The following ZNF124 variants were observed in gnomAD, a reference collection of about 807,000 sequenced individuals.
The protein encoded by ZNF124 is zinc finger protein HZF-16.
Under a neutral mutation model 26.6 loss-of-function variants are expected in ZNF124, and 25 were observed. The observed-to-expected ratio is 0.94, with a 90% CI of 0.68 to 1.31. ZNF124 has a LOEUF of 1.31. Ranked by LOEUF, ZNF124 falls within the 40% of genes most tolerant of loss-of-function variation. The pLI is 0.00. For synonymous variants in ZNF124, 129 were observed against 133.3 expected, an observed-to-expected ratio of 0.97 and a Z score of 0.22; for missense variants, 444 against 422.2, an observed-to-expected ratio of 1.05 and a Z score of -0.45.
At chr1:247,143,489 C>T (rs1672681551) in intron 3 of ZNF124, among the ~76,000 whole-genome samples, 1 of 152,086 alleles carries the variant, frequency 6.6e-6, no homozygotes, top group Non-Finnish European at 1.5e-5. Context: ...CTTAATGATC[C>T]ATCCAGAGCT....
At chr1:247,145,054 G>A (rs1427335836) in intron 3 of ZNF124, among the ~76,000 whole-genome samples, 1 of 152,292 alleles carries the variant, frequency 6.6e-6, no homozygotes, top group African/African-American at 2.4e-5. Context: ...GATTACAGGC[G>A]TGGGCCACTG....
At chr1:247,128,957 AGGATTCAGG>A (rs1471371907) in intron 3 of ZNF124, among the ~76,000 whole-genome samples, 5 of 39,756 alleles carry the variant, frequency 1.3e-4, no homozygotes, top group African/African-American at 5.5e-4. Flanking sequence ...ATGGGGTGGG[AGGATTCAGG>A]AGATGAGAGG....
intron 1 of ZNF124, among the ~76,000 whole-genome samples, chr1:247,161,055 G>A (rs1673451040): frequency 6.6e-6 from 1 of 152,228 alleles, no homozygotes; most frequent in Non-Finnish European, 1.5e-5. Context: ...ATAGATGCCT[G>A]AAACAGACTT....
downstream of ZNF124, among the ~76,000 whole-genome samples, chr1:247,150,934 A>G (rs115632777): frequency 8.3e-3 from 1,255 of 151,520 alleles, 20 homozygotes; most frequent in African/African-American, 0.028. Flanking sequence ...AAATACAGAA[A>G]GAGAGAGACT....
chr1:247,145,339 CAG>C (rs1277263940), intron 3 of ZNF124, among the ~76,000 whole-genome samples: 13 of 152,084 alleles, frequency 8.5e-5, no homozygotes, highest in Admixed American at 3.3e-4. Context: ...GAAAAGGTGA[CAG>C]AGATTAGTTT....
At chr1:247,124,626 C>A (rs978159454) in intron 3 of ZNF124, among the ~76,000 whole-genome samples, 1 of 152,204 alleles carries the variant, frequency 6.6e-6, no homozygotes, top group Non-Finnish European at 1.5e-5. Context: ...CCAGCCTATG[C>A]AACTTTCTGT....
downstream of ZNF124, among the ~76,000 whole-genome samples, chr1:247,151,559 T>G (rs556926450): frequency 1.3e-5 from 2 of 151,128 alleles, no homozygotes; most frequent in East Asian, 3.9e-4. Context: ...GCATGAAAAG[T>G]GTTACAAGTA....
chr1:247,155,876 A>AT lies in ZNF124; in HGVS notation c.*689_*690insA, dbSNP rs1158815955. ...ACTCCATCTCAAAAAAAAAAAAAAA[A>AT]GTCTCACCTCAATTTTTTTTTTTTC... On this transcript the variant is annotated 3_prime_UTR_variant, in exon 4 of 4. Coordinates refer to ENST00000543802, the MANE Select transcript of ZNF124 (RefSeq NM_001297568.2). 61 of 788,674 alleles carry AT rather than the reference A, an allele frequency of 7.7e-5. No individual in the cohort carries two copies. The highest frequency in any genetic ancestry group is 8.7e-5 in the Non-Finnish European group (57 of 652,704). 48.9% of individuals were successfully genotyped at this position (788,674 alleles called of 1,614,324 possible). A position where few individuals can be genotyped will look rare whatever the true frequency, so the allele number is the denominator to read the frequency against.
At chr1:247,146,598 C>T (rs1386264478) in intron 3 of ZNF124, among the ~76,000 whole-genome samples, 1 of 152,140 alleles carries the variant, frequency 6.6e-6, no homozygotes, top group Non-Finnish European at 1.5e-5. Flanking sequence ...CCTCAAATGG[C>T]AAAGTGATCA....
At chr1:247,128,601 C>T (rs1216410997) in intron 3 of ZNF124, among the ~76,000 whole-genome samples, 15 of 150,998 alleles carry the variant, frequency 9.9e-5, no homozygotes, top group South Asian at 2.1e-4. Context: ...CTCTAAAAAG[C>T]TAATCCACTA....
chr1:247,163,471 TAAAA>T (rs564852380), intron 1 of ZNF124, among the ~76,000 whole-genome samples: 1 of 133,314 alleles, frequency 7.5e-6, no homozygotes. Flanking sequence ...TCACAGAAAC[TAAAA>T]AAAAAAAAAA....
rs769766129 is a variant in ZNF124, at chr1:247,157,207, T to A, written c.415A>T (p.Ile139Leu). 1 of 1,614,140 alleles carries A rather than the reference T, an allele frequency of 6.2e-7. No homozygotes were observed. Among genetic ancestry groups the A allele is most frequent in the Admixed American group, 1.7e-5 (1 of 60,032 alleles). ...KVFNIPSSFQ[I>L]HQRNHTGEKP... The stretch of plus-strand genomic sequence containing the variant: ...TCTCCAGTGTGATTTCTCTGATGTA[T>A]CTGAAATGAACTGGGAATATTAAAA... Residue 139 changes from isoleucine to leucine, a missense_variant, in exon 4 of 4, where the codon ATA (isoleucine) becomes TTA (leucine). Physicochemically the swap from Ile to Leu is conservative, Grantham distance 5. Transcript: ENST00000543802.
At position 247,155,861 on chromosome 1, in the gene ZNF124, A is replaced by C. The variant is rs1260538168; in HGVS notation, c.*705T>G. On this transcript the variant is annotated 3_prime_UTR_variant, in exon 4 of 4. Transcript: ENST00000543802. ...GGGCGACAAAGTGAGACTCCATCTC[A>C]AAAAAAAAAAAAAAAGTCTCACCTC... The C allele has an allele frequency of 2.0e-5, 3 of 150,584 alleles. No homozygotes were observed. The highest frequency in any genetic ancestry group is 1.7e-5 in the Non-Finnish European group (2 of 115,370). 9.3% of individuals were successfully genotyped at this position (150,584 alleles called of 1,614,324 possible). A position where few individuals can be genotyped will look rare whatever the true frequency, so the allele number is the denominator to read the frequency against.
At chr1:247,124,531 A>T (rs1672161520) in intron 3 of ZNF124, among the ~76,000 whole-genome samples, 1 of 151,962 alleles carries the variant, frequency 6.6e-6, no homozygotes, top group African/African-American at 2.4e-5. Flanking sequence ...ACATCCACAG[A>T]GTTGCCCAAC....
At chr1:247,153,316 A>G (rs569880594), downstream of ZNF124, among the ~76,000 whole-genome samples, 20 of 152,142 alleles carry the variant, frequency 1.3e-4, no homozygotes, top group Non-Finnish European at 2.5e-4. Flanking sequence ...GTAACTTTCT[A>G]TTCTTCACAA....
At chr1:247,159,979 CTTTTTTTTTTTTTTT>C (rs1212199135) in intron 1 of ZNF124, 166 bp from the exon 2 acceptor site, 1 of 144,292 alleles carries the variant, frequency 6.9e-6, no homozygotes, top group East Asian at 2.6e-4. Flanking sequence ...CATAGCAGTT[CTTTTTTTTTTTTTTT>C]TTTTTTTTTT....
chr1:247,159,111 T>C lies in ZNF124; in HGVS notation c.158-45A>G, dbSNP rs375038211. 38 of 1,561,350 alleles carry C rather than the reference T, an allele frequency of 2.4e-5. No individual in the cohort carries two copies. In the African/African-American group the frequency reaches 3.1e-4, roughly 13 times the overall value. On this transcript the variant is annotated intron_variant, in intron 2 of 3. Coordinates refer to ENST00000543802, the MANE Select transcript of ZNF124 (RefSeq NM_001297568.2). The stretch of plus-strand genomic sequence containing the variant: ...ATATATTACAAATTATTTGAAATTA[T>C]AGAAAAATTACTAGACTCTAGGTGC...
intron 3 of ZNF124, among the ~76,000 whole-genome samples, chr1:247,137,241 G>A (rs1672505471): frequency 6.6e-6 from 1 of 151,488 alleles, no homozygotes; most frequent in African/African-American, 2.4e-5. Flanking sequence ...AGGAAAACTA[G>A]CCAGCCATAT....
chr1:247,159,084 A>C lies in ZNF124; in HGVS notation c.158-18T>G, dbSNP rs1264010684. 1.9e-6 allele frequency: 3 copies of C among 1,603,540 alleles called. No homozygotes were observed. The African/African-American group carries it at 4.0e-5, about 22-fold the overall frequency. On this transcript the variant is annotated intron_variant, in intron 2 of 3. Transcript: ENST00000543802. ...TTTGTTTCCTAAAATGTAGACCCAG[A>C]AATATATTACAAATTATTTGAAATT...
Sources: gnomAD v4.1 joint callset for allele counts (sites outside exome capture counted in the v4.1 genomes callset) on GRCh38, gnomAD v4.1.1 for gene constraint, MANE v1.5 for transcripts, NCBI Gene and HGNC (gene_info 2026-07-23, HGNC 2026-07-21) for gene names.